RAB6B: variants seen among roughly 807,000 people sequenced by gnomAD.
RAB6B encodes the protein RAB6B, member RAS oncogene family, also known as ras-related protein Rab-6B.
A neutral mutation model predicts 31.2 loss-of-function variants in RAB6B; 7 were observed. The observed-to-expected ratio is 0.22, with a 90% CI of 0.13 to 0.42. The LOEUF (loss-of-function observed/expected upper bound fraction) is 0.42, where lower values mean the gene tolerates loss of function less well. Ranked by LOEUF, RAB6B falls within the 10% of genes least tolerant of loss-of-function variation. RAB6B has a pLI of 1.00. For missense variants in RAB6B, 149 were observed against 280.6 expected (o/e 0.53, Z 3.35); for synonymous variants, 105 against 104.9 (o/e 1.00, Z -0.01).
intron 4 of RAB6B, among the ~76,000 whole-genome samples, chr3:133,840,093 G>T (rs1026085047): frequency 6.6e-6 from 1 of 152,140 alleles, no homozygotes; most frequent in Admixed American, 6.5e-5. Flanking sequence ...GCCCTACTGA[G>T]TGGTGTCCCC....
intron 4 of RAB6B, 147 bp downstream of exon 4, chr3:133,841,138 C>A (rs1451366787): frequency 2.7e-6 from 2 of 728,286 alleles, no homozygotes; most frequent in Non-Finnish European, 4.6e-6. Flanking sequence ...CTGCTCCCTG[C>A]CTTTCTGCAT....
intron 2 of RAB6B, among the ~76,000 whole-genome samples, chr3:133,857,877 C>T (rs1022750253): frequency 6.6e-6 from 1 of 152,190 alleles, no homozygotes; most frequent in Admixed American, 6.5e-5. Context: ...GCCCCTTCCA[C>T]TTCCTGTGCC....
rs6794335 is a variant in RAB6B at position 133,850,042 on chromosome 3, T to C, written c.130-8379A>G. Reference sequence around the variant, plus strand: ...TGGAAAACCCTGGAAGTGACATAGATACAGAGAGGTGACCCCAAATTCTCC... The same window carrying C: ...TGGAAAACCCTGGAAGTGACATAGACACAGAGAGGTGACCCCAAATTCTCC... On this transcript the variant is annotated intron_variant, in intron 2 of 7. Transcript: ENST00000285208. Among the ~76,000 whole-genome samples the C allele has an allele frequency of 3.5e-3, 534 of 151,790 alleles. 1 individual carries two copies. The highest frequency in any genetic ancestry group is 0.01 in the Middle Eastern group (3 of 294).
intron 7 of RAB6B, among the ~76,000 whole-genome samples, chr3:133,832,543 G>A (rs1302930259): frequency 1.3e-5 from 2 of 152,202 alleles, no homozygotes; most frequent in Non-Finnish European, 2.9e-5. Flanking sequence ...TTATGAACAT[G>A]ACCCCAAAGC....
rs1298774089 is a variant in RAB6B at position 133,826,857 on chromosome 3, A to AGAAAC, written c.*1926_*1930dup. On this transcript the variant is annotated 3_prime_UTR_variant, in exon 8 of 8. Transcript: ENST00000285208. ...ATGCAAGTTCCAACTTGAGAGCAGGAGAAACAAGAATATACATTGAGCACA... is the reference window on the plus strand; with the variant it reads ...ATGCAAGTTCCAACTTGAGAGCAGGAGAAACGAAACAAGAATATACATTGAGCACA... The AGAAAC allele has an allele frequency of 1.3e-5, 2 of 152,714 alleles. No individual in the cohort carries two copies. The highest frequency in any genetic ancestry group is 3.8e-4 in the East Asian group (2 of 5,200). 9.5% of individuals were successfully genotyped at this position (152,714 alleles called of 1,614,324 possible). A position where few individuals can be genotyped will look rare whatever the true frequency, so the allele number is the denominator to read the frequency against.
intron 7 of RAB6B, among the ~76,000 whole-genome samples, chr3:133,831,748 A>C (rs1441948154): frequency 1.3e-5 from 2 of 152,144 alleles, no homozygotes; most frequent in African/African-American, 2.4e-5. Context: ...TGGCCAGAGC[A>C]CACCCGCCTC....
chr3:133,889,341 G>A (rs906304636), intron 1 of RAB6B, among the ~76,000 whole-genome samples: 4 of 130,562 alleles, frequency 3.1e-5, no homozygotes, highest in African/African-American at 1.1e-4. Context: ...GTCATAGACT[G>A]ATTTTAGGGA....
intron 1 of RAB6B, among the ~76,000 whole-genome samples, chr3:133,866,883 T>A (rs1936245181): frequency 6.6e-6 from 1 of 152,228 alleles, no homozygotes; most frequent in African/African-American, 2.4e-5. Context: ...GTCACTTCCC[T>A]AGGCAGCGAC....
chr3:133,887,925 C>A (rs777836558), intron 1 of RAB6B, among the ~76,000 whole-genome samples: 9 of 152,190 alleles, frequency 5.9e-5, no homozygotes, highest in Non-Finnish European at 1.2e-4. Context: ...CAAAGCACCA[C>A]AAATGGAAGA....
intron 6 of RAB6B, 131 bp downstream of exon 6, chr3:133,838,035 T>C (rs972812721): frequency 3.3e-6 from 3 of 922,884 alleles, no homozygotes; most frequent in Non-Finnish European, 1.7e-6. Flanking sequence ...GGCGCATCTA[T>C]GGGTGTTCTG....
chr3:133,838,478 C>T (rs1434313359), intron 5 of RAB6B, among the ~76,000 whole-genome samples: 2 of 152,234 alleles, frequency 1.3e-5, no homozygotes, highest in African/African-American at 4.8e-5. Context: ...GCTTCCCCCA[C>T]TCCTTCCTTT....
At chr3:133,868,328 C>T (rs1278473740) in intron 1 of RAB6B, among the ~76,000 whole-genome samples, 1 of 152,236 alleles carries the variant, frequency 6.6e-6, no homozygotes, top group Non-Finnish European at 1.5e-5. Context: ...TCCCGAGCCA[C>T]CTGACCAGGC....
intron 2 of RAB6B, among the ~76,000 whole-genome samples, chr3:133,844,064 T>TA (rs1935874449): frequency 6.6e-6 from 1 of 152,216 alleles, no homozygotes; most frequent in African/African-American, 2.4e-5. Context: ...CTGATAACTG[T>TA]AATGATGACA....
At chr3:133,843,886 C>G (rs1935871817) in intron 2 of RAB6B, among the ~76,000 whole-genome samples, 1 of 152,208 alleles carries the variant, frequency 6.6e-6, no homozygotes, top group Non-Finnish European at 1.5e-5. Context: ...TCAACGAAGG[C>G]TGACTCCCTG....
At chr3:133,848,035 T>C (rs957432025) in intron 2 of RAB6B, among the ~76,000 whole-genome samples, 1 of 152,220 alleles carries the variant, frequency 6.6e-6, no homozygotes, top group African/African-American at 2.4e-5. Context: ...GACTTACCCC[T>C]GTTCTGAGCC....
chr3:133,829,466 C>CAAATGCACAGCCAGGCTGGCCCTCTGCT (rs1279518160), intron 7 of RAB6B, among the ~76,000 whole-genome samples: 13 of 152,320 alleles, frequency 8.5e-5, no homozygotes, highest in African/African-American at 3.1e-4. Flanking sequence ...GGACTGGTTC[C>CAAATGCACAGCCAGGCTGGCCCTCTGCT]AAATGCACAG....
intron 1 of RAB6B, among the ~76,000 whole-genome samples, chr3:133,869,415 G>C (rs1477990566): frequency 1.3e-5 from 2 of 152,254 alleles, no homozygotes; most frequent in South Asian, 4.1e-4. Context: ...TACAAAGGCA[G>C]GGGCAGGGGC....
intron 2 of RAB6B, among the ~76,000 whole-genome samples, chr3:133,859,404 C>A (rs990072587): frequency 6.6e-6 from 1 of 152,122 alleles, no homozygotes; most frequent in Non-Finnish European, 1.5e-5. Context: ...TCTCTTTTCA[C>A]GCCCCTTTTC....
rs1935526341 is a variant in RAB6B, at chr3:133,824,562, G to A, written c.*4226C>T. The stretch of plus-strand genomic sequence containing the variant: ...CTGCTGGGAGTGCCAACCAGACAGG[G>A]GTCTGGAGTCCAAGGAGTTTGCACA... On this transcript the variant is annotated 3_prime_UTR_variant, in exon 8 of 8. Coordinates refer to ENST00000285208, the MANE Select transcript of RAB6B (RefSeq NM_016577.4). 1 of 152,144 alleles carries A rather than the reference G, an allele frequency of 6.6e-6. No homozygotes were observed. The highest frequency in any genetic ancestry group is 1.5e-5 in the Non-Finnish European group (1 of 68,046). 9.4% of individuals were successfully genotyped at this position (152,144 alleles called of 1,614,324 possible). A position where few individuals can be genotyped will look rare whatever the true frequency, so the allele number is the denominator to read the frequency against.
Sources: gnomAD v4.1 joint callset for allele counts (sites outside exome capture counted in the v4.1 genomes callset) on GRCh38, gnomAD v4.1.1 for gene constraint, MANE v1.5 for transcripts, NCBI Gene and HGNC (gene_info 2026-07-23, HGNC 2026-07-21) for gene names.